NPAS3: variants seen among roughly 807,000 people sequenced by gnomAD.
NPAS3 encodes neuronal PAS domain protein 3, also known as neuronal PAS domain-containing protein 3.
In NPAS3, 14 loss-of-function variants were observed where a neutral mutation model predicts 73.1. The observed-to-expected ratio is 0.19, with a 90% CI of 0.13 to 0.30. The LOEUF is 0.30. Among genes scored for constraint, NPAS3 ranks in the 10% least tolerant of loss-of-function variants. The pLI is 1.00. For missense variants in NPAS3, 1,096 were observed against 1,250.0 expected, an observed-to-expected ratio of 0.88 and a Z score of 1.86; for synonymous variants, 620 against 541.5, an observed-to-expected ratio of 1.14 and a Z score of -2.01.
At chr14:33,375,902 G>A (rs896738465) in intron 4 of NPAS3, among the ~76,000 whole-genome samples, 1 of 152,114 alleles carries the variant, frequency 6.6e-6, no homozygotes, top group African/African-American at 2.4e-5. Context: ...GGGTCTACTG[G>A]CAATGTGCAT....
intron 7 of NPAS3, among the ~76,000 whole-genome samples, chr14:33,759,394 T>C (rs1407848926): frequency 6.6e-6 from 1 of 152,208 alleles, no homozygotes; most frequent in African/African-American, 2.4e-5. Context: ...TGTCTTCTTT[T>C]CTCCTGGTCA....
chr14:33,302,239 C>G (rs2042580675), intron 3 of NPAS3, among the ~76,000 whole-genome samples: 1 of 152,128 alleles, frequency 6.6e-6, no homozygotes, highest in Non-Finnish European at 1.5e-5. Context: ...CTACTACTAA[C>G]AGTGGCATTA....
intron 5 of NPAS3, among the ~76,000 whole-genome samples, chr14:33,586,560 G>A (rs2056868845): frequency 1.3e-5 from 2 of 152,052 alleles, no homozygotes; most frequent in Non-Finnish European, 2.9e-5. Flanking sequence ...AAATTATGTT[G>A]CCTTTTAAAT....
chr14:32,941,143 A>G (rs1056367463), intron 1 of NPAS3, among the ~76,000 whole-genome samples: 2 of 151,948 alleles, frequency 1.3e-5, no homozygotes, highest in African/African-American at 4.8e-5. Flanking sequence ...TTTATCTAAC[A>G]TGAAGATGAA....
intron 4 of NPAS3, among the ~76,000 whole-genome samples, chr14:33,426,582 A>G (rs1427680215): frequency 6.6e-6 from 1 of 151,972 alleles, no homozygotes; most frequent in African/African-American, 2.4e-5. Context: ...ACAGAATATC[A>G]TGAGCGAGGA....
At chr14:33,551,565 C>T (rs986164825) in intron 4 of NPAS3, among the ~76,000 whole-genome samples, 1 of 152,060 alleles carries the variant, frequency 6.6e-6, no homozygotes, top group East Asian at 1.9e-4. Flanking sequence ...ACATTGACTT[C>T]TATATAAAAT....
rs1454872950 is a variant in NPAS3 at position 33,065,102 on chromosome 14, G to A, written c.140+9108G>A. ...AATTTGTTTGAATTTAAATTCAAGC[G>A]AGAACTAGTGATATACTCATTAGTG... On this transcript the variant is annotated intron_variant, in intron 2 of 11. Transcript: ENST00000356141. Among the ~76,000 whole-genome samples, 5 of 152,250 alleles carry A rather than the reference G, an allele frequency of 3.3e-5. No individual in the cohort carries two copies. The South Asian group carries it at 8.3e-4, about 25-fold the overall frequency.
intron 2 of NPAS3, among the ~76,000 whole-genome samples, chr14:33,188,813 T>C (rs188202484): frequency 2.0e-5 from 3 of 152,220 alleles, no homozygotes; most frequent in Admixed American, 2.0e-4. Flanking sequence ...ACAGAATTAC[T>C]GTGGGTTATG....
At chr14:32,999,447 C>G (rs1301090582) in intron 1 of NPAS3, among the ~76,000 whole-genome samples, 1 of 151,778 alleles carries the variant, frequency 6.6e-6, no homozygotes, top group Non-Finnish European at 1.5e-5. Context: ...GGAGGCAGAG[C>G]TTGCAGTGAG....
chr14:33,714,545 G>A (rs2060908630), intron 6 of NPAS3, among the ~76,000 whole-genome samples: 1 of 152,156 alleles, frequency 6.6e-6, no homozygotes, highest in Non-Finnish European at 1.5e-5. Flanking sequence ...GGAGATAAAT[G>A]CCTGGGGGAA....
At chr14:33,554,456 A>G (rs2055264665) in intron 4 of NPAS3, among the ~76,000 whole-genome samples, 1 of 152,186 alleles carries the variant, frequency 6.6e-6, no homozygotes, top group African/African-American at 2.4e-5. Flanking sequence ...GCATGCATTT[A>G]AATCATGTAT....
chr14:33,388,637 A>G (rs764753407), intron 4 of NPAS3, among the ~76,000 whole-genome samples: 4 of 152,132 alleles, frequency 2.6e-5, no homozygotes, highest in Non-Finnish European at 4.4e-5. Flanking sequence ...TGAGATTGCA[A>G]TGGAGAAGGA....
At chr14:33,437,954 T>A (rs1451616277) in intron 4 of NPAS3, among the ~76,000 whole-genome samples, 1 of 152,232 alleles carries the variant, frequency 6.6e-6, no homozygotes, top group Non-Finnish European at 1.5e-5. Flanking sequence ...CTGTTTATAG[T>A]TGTTAAAGTG....
chr14:33,490,601 G>A (rs746666501), intron 4 of NPAS3, among the ~76,000 whole-genome samples: 8 of 152,114 alleles, frequency 5.3e-5, no homozygotes, highest in African/African-American at 9.7e-5. Context: ...ACCAGACCTC[G>A]TTGGTTGTCA....
At chr14:33,751,215 G>A (rs941874201) in intron 7 of NPAS3, among the ~76,000 whole-genome samples, 8 of 152,198 alleles carry the variant, frequency 5.3e-5, no homozygotes, top group South Asian at 4.1e-4. Context: ...ATCATTGTAA[G>A]AGAAAGAGCA....
intron 4 of NPAS3, among the ~76,000 whole-genome samples, chr14:33,499,824 T>G (rs1323092883): frequency 6.6e-6 from 1 of 151,972 alleles, no homozygotes; most frequent in African/African-American, 2.4e-5. Flanking sequence ...CTCATTTTTC[T>G]TGCTTTCCCG....
chr14:33,279,905 GA>G (rs1387960732), intron 3 of NPAS3, among the ~76,000 whole-genome samples: 1 of 152,086 alleles, frequency 6.6e-6, no homozygotes, highest in African/African-American at 2.4e-5. Context: ...CTAATAATTA[GA>G]GTGAGGAACC....
intron 2 of NPAS3, among the ~76,000 whole-genome samples, chr14:33,170,787 C>T (rs1056342086): frequency 6.6e-6 from 1 of 152,200 alleles, no homozygotes; most frequent in Non-Finnish European, 1.5e-5. Context: ...CTACTTCTAA[C>T]TTGAGTTCAT....
intron 2 of NPAS3, chr14:33,214,762 A>G (rs1240654446): frequency 6.3e-6 from 1 of 157,728 alleles, no homozygotes; most frequent in Non-Finnish European, 1.4e-5. Flanking sequence ...CCTTTTGATG[A>G]AGATCCCATA....
Sources: allele counts gnomAD v4.1 joint callset (sites outside exome capture counted in the v4.1 genomes callset), GRCh38; gene constraint gnomAD v4.1.1; transcripts MANE v1.5; gene names NCBI Gene and HGNC (gene_info 2026-07-23, HGNC 2026-07-21).